The following PTPRD variants were observed in gnomAD, a reference collection of about 807,000 sequenced individuals.
The protein encoded by PTPRD is protein tyrosine phosphatase receptor type D, also known as receptor-type tyrosine-protein phosphatase delta.
A neutral mutation model predicts 214.5 loss-of-function variants in PTPRD; 34 were observed. The observed-to-expected ratio is 0.16, with a 90% CI of 0.12 to 0.21. PTPRD has a LOEUF of 0.21. Ranked by LOEUF, PTPRD falls within the 10% of genes least tolerant of loss-of-function variation. The pLI, the probability that PTPRD is intolerant of heterozygous loss-of-function variation, is 1.00. For missense variants in PTPRD, 2,545 were observed against 2,398.7 expected (o/e 1.06, Z -1.27); for synonymous variants, 1,128 against 845.7 (o/e 1.33, Z -5.79).
chr9:8,818,879 C>A (rs956742785), intron 11 of PTPRD, among the ~76,000 whole-genome samples: 1 of 152,172 alleles, frequency 6.6e-6, no homozygotes, highest in South Asian at 2.1e-4. Context: ...GTTCGTACAA[C>A]AGATTTAAAC....
intron 9 of PTPRD, among the ~76,000 whole-genome samples, chr9:9,200,968 G>C (rs2099941489): frequency 6.6e-6 from 1 of 152,140 alleles, no homozygotes; most frequent in Non-Finnish European, 1.5e-5. Context: ...CACAGTGTAT[G>C]CTGCAAATAT....
intron 10 of PTPRD, among the ~76,000 whole-genome samples, chr9:9,054,203 C>T (rs1337678116): frequency 6.6e-6 from 1 of 152,144 alleles, no homozygotes; most frequent in Non-Finnish European, 1.5e-5. Context: ...CTCAATTTTA[C>T]ATAGTGCAAA....
chr9:9,601,157 G>C lies in PTPRD; in HGVS notation c.-286-26376C>G, dbSNP rs1443738403. On this transcript the variant is annotated intron_variant, in intron 7 of 45. Transcript: ENST00000381196. ...TGTGTGTGTGTGTGTGTGTATGGGG[G>C]GGGGAGAGTGGGGAGAGAGAGAGAA... Among the ~76,000 whole-genome samples, 6 of 149,038 alleles carry C rather than the reference G, an allele frequency of 4.0e-5. No individual in the cohort carries two copies. In the East Asian group the frequency reaches 1.2e-3, roughly 30 times the overall value.
At chr9:9,656,722 T>C (rs372935666) in intron 7 of PTPRD, among the ~76,000 whole-genome samples, 2 of 152,112 alleles carry the variant, frequency 1.3e-5, no homozygotes, top group Admixed American at 6.5e-5. Flanking sequence ...CTCAAACCTA[T>C]AGAAGATGCA....
At chr9:9,815,978 T>C (rs976909626) in intron 5 of PTPRD, among the ~76,000 whole-genome samples, 1 of 152,146 alleles carries the variant, frequency 6.6e-6, no homozygotes, top group African/African-American at 2.4e-5. Flanking sequence ...TGGAGATTTA[T>C]TGCAAAGCGA....
intron 5 of PTPRD, among the ~76,000 whole-genome samples, chr9:9,803,311 A>C (rs2099053305): frequency 1.3e-5 from 2 of 151,942 alleles, no homozygotes; most frequent in African/African-American, 4.8e-5. Context: ...TGGTAGTAAA[A>C]AATGTCAAAC....
At chr9:10,438,321 C>T (rs970989769) in intron 2 of PTPRD, among the ~76,000 whole-genome samples, 2 of 151,468 alleles carry the variant, frequency 1.3e-5, no homozygotes, top group Non-Finnish European at 3.0e-5. Flanking sequence ...GATTTTTGGA[C>T]TTTATGATAG....
chr9:9,233,164 G>C (rs1436988490), intron 9 of PTPRD, among the ~76,000 whole-genome samples: 1 of 152,120 alleles, frequency 6.6e-6, no homozygotes. Context: ...TTGACTCCCA[G>C]TTCCACAAAG....
At chr9:10,081,817 A>C (rs1033536756) in intron 3 of PTPRD, among the ~76,000 whole-genome samples, 3 of 151,998 alleles carry the variant, frequency 2.0e-5, no homozygotes. Context: ...TCGGGTTTTA[A>C]ATTTTTTCTT....
chr9:8,340,759 A>G (rs1191490025), intron 41 of PTPRD, among the ~76,000 whole-genome samples: 1 of 152,138 alleles, frequency 6.6e-6, no homozygotes, highest in Non-Finnish European at 1.5e-5. Context: ...ATTACTTAAG[A>G]AACACTTAGA....
chr9:10,560,852 G>A (rs1333362082), intron 2 of PTPRD, among the ~76,000 whole-genome samples: 1 of 152,150 alleles, frequency 6.6e-6, no homozygotes, highest in Non-Finnish European at 1.5e-5. Context: ...CTACCATACT[G>A]TACAGCATAA....
chr9:8,892,569 GTA>G (rs1018832664), intron 11 of PTPRD, among the ~76,000 whole-genome samples: 18 of 148,700 alleles, frequency 1.2e-4, no homozygotes, highest in Admixed American at 2.0e-4. Context: ...ATATATGTGT[GTA>G]TATATATGTG....
intron 14 of PTPRD, among the ~76,000 whole-genome samples, chr9:8,592,361 G>A (rs1056136056): frequency 3.3e-5 from 5 of 152,110 alleles, no homozygotes; most frequent in African/African-American, 1.2e-4. Flanking sequence ...TAAGCACCTG[G>A]TGTGTCAGTG....
intron 7 of PTPRD, among the ~76,000 whole-genome samples, chr9:9,682,285 A>G (rs1047345253): frequency 9.2e-5 from 14 of 151,858 alleles, no homozygotes; most frequent in African/African-American, 3.1e-4. Context: ...CTCTAGTCCT[A>G]TAGTTATATT....
At chr9:8,768,829 CTTCTT>C (rs1565914625) in intron 11 of PTPRD, among the ~76,000 whole-genome samples, 5 of 152,254 alleles carry the variant, frequency 3.3e-5, no homozygotes, top group South Asian at 2.1e-4. Flanking sequence ...TAACCTAGCT[CTTCTT>C]TTAAGATATA....
At chr9:10,167,554 T>C (rs1312394750) in intron 3 of PTPRD, among the ~76,000 whole-genome samples, 2 of 152,170 alleles carry the variant, frequency 1.3e-5, no homozygotes, top group African/African-American at 4.8e-5. Flanking sequence ...TGAACTGTAA[T>C]TTTTAGGAAA....
intron 7 of PTPRD, among the ~76,000 whole-genome samples, chr9:9,653,409 C>T (rs1215402793): frequency 4.5e-5 from 6 of 134,580 alleles, no homozygotes; most frequent in Non-Finnish European, 1.6e-5. Context: ...CATTTTACGC[C>T]TAAAGAAAAT....
chr9:10,407,463 T>G (rs993396942), intron 2 of PTPRD, among the ~76,000 whole-genome samples: 1 of 151,536 alleles, frequency 6.6e-6, no homozygotes, highest in Non-Finnish European at 1.5e-5. Flanking sequence ...AAAATATATA[T>G]CCTACCTACT....
At chr9:9,415,856 G>A (rs930561253) in intron 8 of PTPRD, among the ~76,000 whole-genome samples, 1 of 152,128 alleles carries the variant, frequency 6.6e-6, no homozygotes, top group East Asian at 1.9e-4. Context: ...TCATTGTCCC[G>A]GTTAGTCGGG....
Sources: allele counts gnomAD v4.1 joint callset (sites outside exome capture counted in the v4.1 genomes callset), GRCh38; gene constraint gnomAD v4.1.1; transcripts MANE v1.5; gene names NCBI Gene and HGNC (gene_info 2026-07-23, HGNC 2026-07-21).